EYS: variants seen among roughly 807,000 people sequenced by gnomAD.
EYS encodes the protein EGF-like photoreceptor maintenance factor.
Under a neutral mutation model 282.1 loss-of-function variants are expected in EYS, and 250 were observed. The observed-to-expected ratio is 0.89, with a 90% confidence interval of 0.80 to 0.98. The LOEUF (loss-of-function observed/expected upper bound fraction) is 0.98. Among genes scored for constraint, EYS ranks in the 50% least tolerant of loss-of-function variants. The pLI is 0.00. For synonymous variants in EYS, 1,355 were observed against 1,282.9 expected (o/e 1.06, Z -1.20); for missense variants, 4,016 against 3,709.0 (o/e 1.08, Z -2.15).
chr6:64,312,415 G>T (rs1041357207), intron 29 of EYS, among the ~76,000 whole-genome samples: 1 of 152,140 alleles, frequency 6.6e-6, no homozygotes, highest in Non-Finnish European at 1.5e-5. Context: ...ATCTCCCTGG[G>T]ACAGAGCAAC....
chr6:63,927,002 G>A (rs530432641), intron 35 of EYS, among the ~76,000 whole-genome samples: 4 of 152,278 alleles, frequency 2.6e-5, no homozygotes, highest in South Asian at 4.2e-4. Context: ...AGCTTTGGGA[G>A]AAAGATTGGG....
intron 26 of EYS, among the ~76,000 whole-genome samples, chr6:64,461,574 G>GAC (rs1443464318): frequency 6.6e-6 from 1 of 152,116 alleles, no homozygotes; most frequent in African/African-American, 2.4e-5. Context: ...GTGTTCTTTA[G>GAC]ACACATTTAA....
At chr6:65,206,855 G>A (rs1215664726) in intron 12 of EYS, among the ~76,000 whole-genome samples, 1 of 151,700 alleles carries the variant, frequency 6.6e-6, no homozygotes. Context: ...CAACAAACTA[G>A]CAATTGAAGG....
intron 35 of EYS, among the ~76,000 whole-genome samples, chr6:63,904,547 C>A (rs1291920683): frequency 6.6e-6 from 1 of 152,172 alleles, no homozygotes; most frequent in African/African-American, 2.4e-5. Context: ...AAAATTGATT[C>A]AATGCTGTAG....
At chr6:65,522,995 A>C (rs1193237396) in intron 2 of EYS, among the ~76,000 whole-genome samples, 1 of 152,174 alleles carries the variant, frequency 6.6e-6, no homozygotes, top group Non-Finnish European at 1.5e-5. Flanking sequence ...TTTTTAATTT[A>C]ATATCTGATT....
intron 22 of EYS, among the ~76,000 whole-genome samples, chr6:64,770,060 T>C (rs1197669965): frequency 6.6e-6 from 1 of 151,974 alleles, no homozygotes; most frequent in Non-Finnish European, 1.5e-5. Context: ...TGACAATGAC[T>C]TCAACAACAG....
chr6:64,678,404 C>T (rs554014021), intron 22 of EYS, among the ~76,000 whole-genome samples: 1 of 151,950 alleles, frequency 6.6e-6, no homozygotes, highest in South Asian at 2.1e-4. Context: ...ATGGCGAAAC[C>T]CCATCTCTAC....
chr6:63,886,100 C>T (rs567643695), intron 35 of EYS, among the ~76,000 whole-genome samples: 31 of 152,258 alleles, frequency 2.0e-4, no homozygotes, highest in Middle Eastern at 6.8e-3. Flanking sequence ...GAACTTGATG[C>T]TCAATGCTTT....
intron 8 of EYS, among the ~76,000 whole-genome samples, chr6:65,370,214 C>A (rs1047999567): frequency 4.0e-5 from 6 of 149,300 alleles, no homozygotes; most frequent in African/African-American, 1.5e-4. Context: ...TCCCTCCCTC[C>A]ATTTCTTTCT....
At chr6:64,396,306 A>G (rs981078540) in intron 28 of EYS, among the ~76,000 whole-genome samples, 4 of 152,136 alleles carry the variant, frequency 2.6e-5, no homozygotes, top group Non-Finnish European at 4.4e-5. Context: ...AGAAATGTGC[A>G]TTTCTGTTGA....
chr6:65,476,137 G>A lies in EYS; in HGVS notation c.862+14457C>T, dbSNP rs112272296. On this transcript the variant is annotated intron_variant, in intron 5 of 42. Transcript: ENST00000503581. ...AATTAGAGAAGCTCCCGTTTTTTGCGACCCTGCTCCTGAAGTGAAACCTTG... is the reference window on the plus strand; with the variant it reads ...AATTAGAGAAGCTCCCGTTTTTTGCAACCCTGCTCCTGAAGTGAAACCTTG... Among the ~76,000 whole-genome samples the A allele has an allele frequency of 1.5e-3, 233 of 151,892 alleles. 2 individuals carry two copies. The highest frequency in any genetic ancestry group is 3.5e-3 in the Admixed American group (54 of 15,262).
chr6:64,379,921 A>C (rs1212063467), intron 29 of EYS, among the ~76,000 whole-genome samples: 1 of 152,158 alleles, frequency 6.6e-6, no homozygotes. Flanking sequence ...TAGGGGAAAG[A>C]GATTTCAAGT....
At chr6:64,383,197 G>A (rs916538814) in intron 29 of EYS, among the ~76,000 whole-genome samples, 1 of 151,978 alleles carries the variant, frequency 6.6e-6, no homozygotes, top group African/African-American at 2.4e-5. Context: ...GCTACTAGGG[G>A]GGCTGAGGTG....
chr6:65,652,056 AAAAT>A (rs1767670930), intron 1 of EYS, among the ~76,000 whole-genome samples: 1 of 152,036 alleles, frequency 6.6e-6, no homozygotes, highest in African/African-American at 2.4e-5. Context: ...ATGTAGAATT[AAAAT>A]AAATAAAAGC....
At chr6:65,520,004 A>ACCCC (rs78128324) in intron 2 of EYS, among the ~76,000 whole-genome samples, 8,030 of 151,116 alleles carry the variant, frequency 0.053, 300 homozygotes, top group East Asian at 0.15. Flanking sequence ...TTTATAGATT[A>ACCCC]ATTTTACTCT....
At chr6:64,132,476 TTCTTGCAAGAGTTCA>T (rs1774012864) in intron 31 of EYS, among the ~76,000 whole-genome samples, 1 of 151,974 alleles carries the variant, frequency 6.6e-6, no homozygotes, top group Non-Finnish European at 1.5e-5. Context: ...AGAATCTCTT[TTCTTGCAAGAGTTCA>T]TGTGTGCCTT....
At chr6:64,937,463 T>A (rs183463665) in intron 15 of EYS, among the ~76,000 whole-genome samples, 37 of 151,682 alleles carry the variant, frequency 2.4e-4, no homozygotes, top group Middle Eastern at 3.4e-3. Context: ...TAACTTCCAT[T>A]CCCAAATGAG....
intron 33 of EYS, among the ~76,000 whole-genome samples, chr6:64,011,810 C>A (rs1055366650): frequency 2.0e-5 from 3 of 152,086 alleles, no homozygotes; most frequent in African/African-American, 7.2e-5. Context: ...AGTAAGAAAA[C>A]TGAACAGCAC....
chr6:65,609,026 T>A (rs1173117610), intron 2 of EYS, among the ~76,000 whole-genome samples: 1 of 152,078 alleles, frequency 6.6e-6, no homozygotes, highest in Non-Finnish European at 1.5e-5. Flanking sequence ...GAATACAATC[T>A]AAAATAATGA....
Sources: allele counts gnomAD v4.1 joint callset (sites outside exome capture counted in the v4.1 genomes callset), GRCh38; gene constraint gnomAD v4.1.1; transcripts MANE v1.5; gene names NCBI Gene and HGNC (gene_info 2026-07-23, HGNC 2026-07-21).